Variants in SERINC5 observed in about 807,000 individuals in gnomAD.
SERINC5 encodes serine incorporator 5, also known as chromosome 5 open reading frame 12.
Under a neutral mutation model 63.1 loss-of-function variants are expected in SERINC5, and 41 were observed. The observed-to-expected ratio is 0.65, with a 90% CI of 0.51 to 0.84. The LOEUF (loss-of-function observed/expected upper bound fraction) is 0.84, where lower values mean the gene tolerates loss of function less well. SERINC5 is among the 40% of genes least tolerant of loss of function. The probability of loss-of-function intolerance (pLI) is 0.00; values close to 1 mark genes in which losing one functional copy is unlikely to be tolerated. For missense variants in SERINC5, 523 were observed against 573.0 expected (o/e 0.91, Z 0.89); for synonymous variants, 222 against 215.2 (o/e 1.03, Z -0.28).
At position 80,138,914 on chromosome 5, in the gene SERINC5, A is replaced by G. The variant is rs1191941789; in HGVS notation, c.*4749T>C. On this transcript the variant is annotated 3_prime_UTR_variant, in exon 12 of 12. Coordinates refer to ENST00000507668, the MANE Select transcript of SERINC5 (RefSeq NM_001174072.3). The stretch of plus-strand genomic sequence containing the variant: ...CACAGTTTTAATTTTAAATTTTATT[A>G]AAGTACAGAGTTAACAAGTTTTGAG... 4 of 971,062 alleles carry G rather than the reference A, an allele frequency of 4.1e-6. No individual in the cohort carries two copies. Among genetic ancestry groups the G allele is most frequent in the African/African-American group, 3.5e-5 (2 of 56,922 alleles). 60.2% of individuals were successfully genotyped at this position (971,062 alleles called of 1,614,324 possible). A position where few individuals can be genotyped will look rare whatever the true frequency, so the allele number is the denominator to read the frequency against.
At chr5:80,164,549 T>C (rs1747144214) in intron 7 of SERINC5, among the ~76,000 whole-genome samples, 1 of 151,804 alleles carries the variant, frequency 6.6e-6, no homozygotes, top group African/African-American at 2.4e-5. Flanking sequence ...GCCTGGCTAA[T>C]TTTTTGTATT....
rs1465553896 is a variant in SERINC5 at position 80,143,520 on chromosome 5, T to C, written c.*143A>G. 1 of 1,374,456 alleles carries C rather than the reference T, an allele frequency of 7.3e-7. No homozygotes were observed. The highest frequency in any genetic ancestry group is 9.4e-7 in the Non-Finnish European group (1 of 1,067,136). The allele number at this position is 1,374,456 out of a possible 1,614,324, so 85.1% of individuals were successfully genotyped here. A position where few individuals can be genotyped will look rare whatever the true frequency, so the allele number is the denominator to read the frequency against. ...TTGAATTTCAAAAGTAAAAAGCTAA[T>C]CAGGAGATTTTTTTTTTTCTCTCTC... On this transcript the variant is annotated 3_prime_UTR_variant, in exon 12 of 12. Transcript: ENST00000507668.
At chr5:80,236,613 C>A (rs920521197) in intron 1 of SERINC5, among the ~76,000 whole-genome samples, 2 of 151,640 alleles carry the variant, frequency 1.3e-5, no homozygotes, top group Non-Finnish European at 2.9e-5. Flanking sequence ...GCAACCTCCA[C>A]CTCCTGGGTT....
At chr5:80,221,916 G>A (rs549820666) in intron 1 of SERINC5, among the ~76,000 whole-genome samples, 1 of 152,176 alleles carries the variant, frequency 6.6e-6, no homozygotes, top group Non-Finnish European at 1.5e-5. Flanking sequence ...GGAGGCCAAG[G>A]TGGGAGGGTC....
At chr5:80,219,927 G>C (rs1047055274) in intron 1 of SERINC5, among the ~76,000 whole-genome samples, 3 of 152,126 alleles carry the variant, frequency 2.0e-5, no homozygotes, top group African/African-American at 7.2e-5. Context: ...GCAAGTCACA[G>C]GCCAGGCGCG....
Position 80,256,014 on chromosome 5 carries a change from G to T in SERINC5, c.-92C>A, listed in dbSNP as rs1202192630. The T allele has an allele frequency of 2.3e-6, 3 of 1,285,718 alleles. No individual in the cohort carries two copies. The highest frequency in any genetic ancestry group is 1.5e-5 in the South Asian group (1 of 64,856). 79.6% of individuals were successfully genotyped at this position (1,285,718 alleles called of 1,614,324 possible). The stretch of plus-strand genomic sequence containing the variant: ...CGCGCCTCGAGCGCTGGGCTCAGCC[G>T]CAGCTCACACTTGAACGAAGATCAG... On this transcript the variant is annotated 5_prime_UTR_variant, in exon 1 of 12. Transcript: ENST00000507668.
chr5:80,117,543 C>G (rs944190606), intron 11 of SERINC5, among the ~76,000 whole-genome samples: 5 of 150,748 alleles, frequency 3.3e-5, no homozygotes, highest in African/African-American at 1.2e-4. Context: ...TTCTTACCAT[C>G]TGTCAGCATG....
chr5:80,156,066 G>A (rs1746500741), intron 8 of SERINC5, among the ~76,000 whole-genome samples: 1 of 152,182 alleles, frequency 6.6e-6, no homozygotes, highest in African/African-American at 2.4e-5. Context: ...AAGGGAAAGA[G>A]AGGAGCTAGG....
chr5:80,161,910 C>T (rs1225326464), intron 7 of SERINC5, among the ~76,000 whole-genome samples: 8 of 151,962 alleles, frequency 5.3e-5, no homozygotes, highest in Admixed American at 4.6e-4. Context: ...GACAGGGGTT[C>T]GGTAGGGGTT....
chr5:80,189,578 C>G (rs1749054209), intron 2 of SERINC5, among the ~76,000 whole-genome samples: 1 of 152,190 alleles, frequency 6.6e-6, no homozygotes, highest in Admixed American at 6.5e-5. Flanking sequence ...AAAGATATCT[C>G]TTGAACATAG....
intron 11 of SERINC5, among the ~76,000 whole-genome samples, chr5:80,119,905 C>T (rs1295253030): frequency 6.6e-6 from 1 of 152,182 alleles, no homozygotes; most frequent in Non-Finnish European, 1.5e-5. Context: ...ATAGTCCAAC[C>T]TAGGTAGGGG....
intron 1 of SERINC5, among the ~76,000 whole-genome samples, chr5:80,251,740 A>C (rs1176340872): frequency 6.6e-6 from 1 of 151,832 alleles, no homozygotes; most frequent in Non-Finnish European, 1.5e-5. Flanking sequence ...AAAAAAAAAA[A>C]AAAAAAGACA....
intron 2 of SERINC5, among the ~76,000 whole-genome samples, chr5:80,182,924 T>C (rs1439322429): frequency 2.0e-5 from 3 of 152,166 alleles, no homozygotes; most frequent in South Asian, 2.1e-4. Context: ...AGAAAGAACC[T>C]AGAAGAGTGG....
intron 11 of SERINC5, among the ~76,000 whole-genome samples, chr5:80,121,597 C>T (rs1287334671): frequency 6.6e-6 from 1 of 152,198 alleles, no homozygotes; most frequent in Non-Finnish European, 1.5e-5. Flanking sequence ...TACAACTAAC[C>T]TATAGTCAGT....
downstream of SERINC5, among the ~76,000 whole-genome samples, chr5:80,135,813 T>C (rs1269095224): frequency 6.7e-6 from 1 of 148,224 alleles, no homozygotes; most frequent in African/African-American, 2.5e-5. Context: ...AGCAACTAGA[T>C]AGCACAATCA....
intron 11 of SERINC5, chr5:80,129,175 G>C (rs10044590): frequency 0.069 from 10,540 of 152,322 alleles, 435 homozygotes; most frequent in South Asian, 0.14. Flanking sequence ...GCAGGGAGGA[G>C]GTGCCGCTGT....
chr5:80,175,160 A>G, intron 4 of SERINC5, 113 bp from the exon 5 acceptor site: 1 of 634,682 alleles, frequency 1.6e-6, no homozygotes, highest in Non-Finnish European at 2.8e-6. Context: ...CATATTTGTC[A>G]CACAACCATA....
chr5:80,115,613 T>C (rs1744296540), intron 11 of SERINC5, among the ~76,000 whole-genome samples: 1 of 152,082 alleles, frequency 6.6e-6, no homozygotes, highest in South Asian at 2.1e-4. Flanking sequence ...TTCTTAACCA[T>C]AATTTTGTTG....
In SERINC5 at chr5:80,143,089, A is replaced by G; in HGVS notation, c.*574T>C. 2.0e-6 allele frequency: 2 copies of G among 985,388 alleles called. No homozygotes were observed. Among genetic ancestry groups the G allele is most frequent in the Non-Finnish European group, 2.4e-6 (2 of 829,930 alleles). 61.0% of individuals were successfully genotyped at this position (985,388 alleles called of 1,614,324 possible). A position where few individuals can be genotyped will look rare whatever the true frequency, so the allele number is the denominator to read the frequency against. ...TCCCAGCATCACAACCTCAAAGGGA[A>G]ACGTTTAGGGGCCGTGAAGAGGCAG... On this transcript the variant is annotated 3_prime_UTR_variant, in exon 12 of 12. Coordinates refer to ENST00000507668, the MANE Select transcript of SERINC5 (RefSeq NM_001174072.3).
Sources: allele counts gnomAD v4.1 joint callset (sites outside exome capture counted in the v4.1 genomes callset), GRCh38; gene constraint gnomAD v4.1.1; transcripts MANE v1.5; gene names NCBI Gene and HGNC (gene_info 2026-07-23, HGNC 2026-07-21).